Variants in USP50 observed in about 807,000 individuals in gnomAD.
The protein encoded by USP50 is ubiquitin specific peptidase 50, also known as ubiquitin carboxyl-terminal hydrolase 50.
In USP50, 37 loss-of-function variants were observed where a neutral mutation model predicts 39.2. That is an observed-to-expected ratio of 0.94 (90% CI 0.73 to 1.24). USP50 has a LOEUF of 1.24. Among genes scored for constraint, USP50 ranks in the 50% most tolerant of loss-of-function variants. USP50 has a pLI of 0.00. For synonymous variants in USP50, 139 were observed against 144.5 expected, an observed-to-expected ratio of 0.96 and a Z score of 0.27; for missense variants, 374 against 398.2, an observed-to-expected ratio of 0.94 and a Z score of 0.52.
chr15:50,493,227 C>G, downstream of USP50: 1 of 507,368 alleles, frequency 2.0e-6, no homozygotes, highest in Non-Finnish European at 3.8e-6. Context: ...GCCTTATCAC[C>G]TCTTTAAAGG....
At chr15:50,533,677 A>AT (rs758832092) in intron 5 of USP50, among the ~76,000 whole-genome samples, 3 of 152,198 alleles carry the variant, frequency 2.0e-5, no homozygotes, top group Non-Finnish European at 4.4e-5. Flanking sequence ...AATTAAGGGA[A>AT]TTTTTTGCCA....
At chr15:50,516,375 T>C (rs1290919685) in intron 6 of USP50, among the ~76,000 whole-genome samples, 1 of 151,910 alleles carries the variant, frequency 6.6e-6, no homozygotes, top group Non-Finnish European at 1.5e-5. Flanking sequence ...CCGAGGCAGG[T>C]GGATCACGAG....
downstream of USP50, chr15:50,499,212 T>TGTTA (rs1481620072): frequency 2.8e-5 from 25 of 895,242 alleles, no homozygotes; most frequent in African/African-American, 3.4e-4. Flanking sequence ...GTGGGAGCTG[T>TGTTA]GTTACTAGCA....
At chr15:50,511,361 T>C (rs1358730847) in intron 6 of USP50, 1 of 152,160 alleles carries the variant, frequency 6.6e-6, no homozygotes, top group Non-Finnish European at 1.5e-5. Flanking sequence ...TGGAAAACAA[T>C]TTGGCAGTTC....
At chr15:50,522,956 C>A (rs1302040897) in intron 6 of USP50, among the ~76,000 whole-genome samples, 1 of 151,930 alleles carries the variant, frequency 6.6e-6, no homozygotes, top group African/African-American at 2.4e-5. Flanking sequence ...CCACTCACCA[C>A]TTCTTTTCAG....
chr15:50,523,275 C>G (rs966792490), intron 6 of USP50, among the ~76,000 whole-genome samples: 1 of 147,276 alleles, frequency 6.8e-6, no homozygotes. Context: ...ACCTCCTGGG[C>G]TCAAGCGATC....
chr15:50,544,675 A>G lies in USP50; in HGVS notation c.160T>C (p.Cys54Arg). 3.7e-6 allele frequency: 6 copies of G among 1,614,022 alleles called. No individual in the cohort carries two copies. The highest frequency in any genetic ancestry group is 5.1e-6 in the Non-Finnish European group (6 of 1,179,886). Residue 54 changes from cysteine to arginine, a missense_variant, in exon 2 of 7, where the codon TGC becomes CGC. Cys to Arg is a radical substitution (Grantham distance 180). Transcript: ENST00000532404. ...TGLWNLGNTCCVNAISQCLCS... is the reference protein window; with the variant it reads ...TGLWNLGNTCRVNAISQCLCS... Reference sequence around the variant, plus strand: ...AGACACTGTGAGATGGCATTCACGCAGCATGTGTTGCCCAAGTTCCACAAG... The same window carrying G: ...AGACACTGTGAGATGGCATTCACGCGGCATGTGTTGCCCAAGTTCCACAAG...
At position 50,500,658 on chromosome 15, in the gene USP50, A is replaced by C; in HGVS notation, c.*111T>G. On this transcript the variant is annotated 3_prime_UTR_variant, in exon 7 of 7. Transcript: ENST00000532404. ...GGAAACACCATTTTCCTGGCTCTTA[A>C]CGCTTTTGTATTGGTATGGAAAAGG... 1 of 1,048,322 alleles carries C rather than the reference A, an allele frequency of 9.5e-7. No homozygotes were observed. Among genetic ancestry groups the C allele is most frequent in the East Asian group, 2.6e-5 (1 of 37,868 alleles). 64.9% of individuals were successfully genotyped at this position (1,048,322 alleles called of 1,614,324 possible).
chr15:50,511,072 C>G (rs1304538344), intron 6 of USP50: 1 of 152,196 alleles, frequency 6.6e-6, no homozygotes, highest in Non-Finnish European at 1.5e-5. Flanking sequence ...GCCACCGTGC[C>G]CGGCCGATGT....
At chr15:50,502,212 A>G (rs989745769) in intron 6 of USP50, 14 of 149,526 alleles carry the variant, frequency 9.4e-5, no homozygotes, top group Non-Finnish European at 1.5e-4. Flanking sequence ...GGTTCAAGCA[A>G]TTCTTCTGCC....
At chr15:50,507,325 A>G (rs2052676679) in intron 6 of USP50, 1 of 152,250 alleles carries the variant, frequency 6.6e-6, no homozygotes, top group African/African-American at 2.4e-5. Context: ...TCTATGCACT[A>G]TATAACATTT....
chr15:50,501,213 ACT>A (rs201242977), intron 6 of USP50: 35 of 172,394 alleles, frequency 2.0e-4, no homozygotes, highest in East Asian at 1.3e-3. Flanking sequence ...TAATCCCAAC[ACT>A]CTGGGAGGCT....
intron 5 of USP50, among the ~76,000 whole-genome samples, chr15:50,530,445 ATGG>A (rs2052931213): frequency 6.6e-6 from 1 of 151,930 alleles, no homozygotes; most frequent in African/African-American, 2.4e-5. Flanking sequence ...TTAGCCGGGC[ATGG>A]TAGTGGATGC....
Position 50,546,585 on chromosome 15 carries a change from C to T in USP50, c.-60G>A. 1 of 1,583,748 alleles carries T rather than the reference C, an allele frequency of 6.3e-7. No homozygotes were observed. Among genetic ancestry groups the T allele is most frequent in the Non-Finnish European group, 8.7e-7 (1 of 1,153,102 alleles). The stretch of plus-strand genomic sequence containing the variant: ...CAGGAGCTACATCTATTCCTTTCAA[C>T]TTCATTTCTCTGAGCCTGTTAACGC... On this transcript the variant is annotated 5_prime_UTR_variant, in exon 1 of 7. Transcript: ENST00000532404.
intron 6 of USP50, among the ~76,000 whole-genome samples, chr15:50,521,486 C>T (rs1056234950): frequency 1.3e-5 from 2 of 152,062 alleles, no homozygotes; most frequent in African/African-American, 4.8e-5. Flanking sequence ...TCCCAAGGCA[C>T]TAGAGAAAGA....
intron 6 of USP50, chr15:50,514,243 G>A (rs2052777625): frequency 6.6e-6 from 1 of 152,150 alleles, no homozygotes; most frequent in African/African-American, 2.4e-5. Context: ...AGAAGTCAGT[G>A]GTTTTCCAGA....
At chr15:50,537,415 GA>G (rs2052988163) in intron 5 of USP50, among the ~76,000 whole-genome samples, 1 of 151,684 alleles carries the variant, frequency 6.6e-6, no homozygotes, top group Non-Finnish European at 1.5e-5. Flanking sequence ...GCTACAACAC[GA>G]AAGGCCTGCT....
intron 3 of USP50, 81 bp downstream of exon 3, chr15:50,543,517 G>T: frequency 1.5e-6 from 2 of 1,360,008 alleles, no homozygotes; most frequent in South Asian, 2.6e-5. Context: ...AATATTAATT[G>T]AACAAGTAAA....
intron 6 of USP50, chr15:50,506,345 ACT>A (rs757419695): frequency 6.6e-6 from 1 of 151,904 alleles, no homozygotes; most frequent in Non-Finnish European, 1.5e-5. Context: ...AGCAGCACAA[ACT>A]CTATTGTGAA....
Sources: allele counts gnomAD v4.1 joint callset (sites outside exome capture counted in the v4.1 genomes callset), GRCh38; gene constraint gnomAD v4.1.1; transcripts MANE v1.5; gene names NCBI Gene and HGNC (gene_info 2026-07-23, HGNC 2026-07-21).